The following PCDHA6 variants were observed in gnomAD, a reference collection of about 807,000 sequenced individuals.
The protein encoded by PCDHA6 is protocadherin alpha-6.
PCDHA6 carries 55 observed loss-of-function variants against 60.3 expected under a neutral mutation model. The ratio of observed to expected loss-of-function variants is 0.91; its 90% CI spans 0.73 to 1.14. PCDHA6 has a LOEUF of 1.14. PCDHA6 is among the 50% of genes most tolerant of loss of function. The pLI is 0.00. For missense variants in PCDHA6, 1,327 were observed against 1,256.5 expected (o/e 1.06, Z -0.85); for synonymous variants, 652 against 557.9 (o/e 1.17, Z -2.38).
chr5:140,871,032 C>G (rs1554165004), intron 1 of PCDHA6: 1 of 1,613,304 alleles, frequency 6.2e-7, no homozygotes. Flanking sequence ...ACTCGCCGCG[C>G]CACCGACTTC....
At chr5:140,995,687 G>C (rs983290111) in intron 3 of PCDHA6, among the ~76,000 whole-genome samples, 3 of 152,062 alleles carry the variant, frequency 2.0e-5, no homozygotes, top group Admixed American at 6.5e-5. Context: ...TTTTTTAATT[G>C]TTAAATAAAG....
chr5:140,981,489 G>A (rs1554242906), intron 2 of PCDHA6, among the ~76,000 whole-genome samples: 1 of 152,194 alleles, frequency 6.6e-6, no homozygotes, highest in Non-Finnish European at 1.5e-5. Flanking sequence ...CAGGAGAATT[G>A]CTTGAACCTG....
intron 1 of PCDHA6, chr5:140,851,808 A>G (rs1231685115): frequency 1.1e-6 from 1 of 948,168 alleles, no homozygotes; most frequent in Non-Finnish European, 1.3e-6. Context: ...TCAGTAATCC[A>G]TAAGACAGAA....
At chr5:140,968,624 C>CT in intron 1 of PCDHA6, 3 of 1,614,176 alleles carry the variant, frequency 1.9e-6, no homozygotes, top group East Asian at 2.2e-5. Context: ...AAATGCTTGG[C>CT]TTTTTTACCA....
chr5:140,850,081 A>G, intron 1 of PCDHA6: 1 of 1,596,386 alleles, frequency 6.3e-7, no homozygotes, highest in South Asian at 1.1e-5. Context: ...GAGGAGCTGG[A>G]GCTGCTACAG....
intron 1 of PCDHA6, chr5:140,841,864 T>C (rs1554138599): frequency 3.1e-6 from 5 of 1,613,852 alleles, no homozygotes; most frequent in Non-Finnish European, 4.2e-6. Flanking sequence ...TCATGCTAGA[T>C]GTGAATTCAA....
chr5:141,000,618 G>A (rs1354281260), intron 3 of PCDHA6, among the ~76,000 whole-genome samples: 1 of 150,858 alleles, frequency 6.6e-6, no homozygotes, highest in Non-Finnish European at 1.5e-5. Flanking sequence ...AGTAGAGACA[G>A]GGTTTCACCA....
rs1203215461 is a variant in PCDHA6 at position 140,841,541 on chromosome 5, C to A, written c.2394+11056C>A. The stretch of plus-strand genomic sequence containing the variant: ...GGTGGCGTCCAAAAGACACCGGGAC[C>A]TTCTGGAGGTAAGTCTGCAGAATGG... On this transcript the variant is annotated intron_variant, in intron 1 of 3. Transcript: ENST00000529310. 1 of 1,613,604 alleles carries A rather than the reference C, an allele frequency of 6.2e-7. No individual in the cohort carries two copies. The highest frequency in any genetic ancestry group is 8.5e-7 in the Non-Finnish European group (1 of 1,180,002).
At chr5:140,967,649 T>C in intron 1 of PCDHA6, 1 of 1,614,132 alleles carries the variant, frequency 6.2e-7, no homozygotes. Context: ...GCTCAGGTAC[T>C]CCTTGAGCAG....
chr5:140,879,227 T>C (rs1474080938), intron 1 of PCDHA6, among the ~76,000 whole-genome samples: 5 of 152,126 alleles, frequency 3.3e-5, no homozygotes, highest in Admixed American at 6.5e-5. Flanking sequence ...GAAAAAGACA[T>C]ATACAAGAGG....
chr5:140,839,671 C>G (rs1194956449), intron 1 of PCDHA6, among the ~76,000 whole-genome samples: 1 of 152,028 alleles, frequency 6.6e-6, no homozygotes, highest in African/African-American at 2.4e-5. Context: ...TATTTAGAGT[C>G]AACTACAGAG....
chr5:140,842,051 C>A, intron 1 of PCDHA6: 1 of 1,613,852 alleles, frequency 6.2e-7, no homozygotes, highest in Non-Finnish European at 8.5e-7. Context: ...CACTTTCGAA[C>A]AGTCTGAATA....
chr5:140,898,764 T>A (rs2066960471), intron 1 of PCDHA6, among the ~76,000 whole-genome samples: 1 of 152,192 alleles, frequency 6.6e-6, no homozygotes, highest in Non-Finnish European at 1.5e-5. Context: ...GCATTGAATC[T>A]GTAAATTACC....
chr5:140,858,790 A>G, intron 1 of PCDHA6: 1 of 388,116 alleles, frequency 2.6e-6, no homozygotes, highest in Non-Finnish European at 4.7e-6. Context: ...ATGTTATTTC[A>G]TTTCCAATCT....
chr5:140,869,555 G>A, intron 1 of PCDHA6: 1 of 1,614,172 alleles, frequency 6.2e-7, no homozygotes, highest in Non-Finnish European at 8.5e-7. Flanking sequence ...TCGGACTCGC[G>A]TTTTCCACTA....
intron 1 of PCDHA6, among the ~76,000 whole-genome samples, chr5:140,925,132 T>G (rs2082347636): frequency 6.6e-6 from 1 of 151,168 alleles, no homozygotes; most frequent in Non-Finnish European, 1.5e-5. Context: ...GAAAAAAAAT[T>G]TCAAACATAC....
chr5:141,000,399 A>C (rs77386673), intron 3 of PCDHA6, among the ~76,000 whole-genome samples: 2,158 of 66,344 alleles, frequency 0.033, 38 homozygotes, highest in Non-Finnish European at 0.044. Context: ...CTCTCTCTAT[A>C]TATATATATA....
Position 140,876,962 on chromosome 5 carries a change from G to T in PCDHA6, c.2394+46477G>T, listed in dbSNP as rs375871457. 15 of 1,612,908 alleles carry T rather than the reference G, an allele frequency of 9.3e-6. No homozygotes were observed. The African/African-American group carries it at 1.6e-4, about 17-fold the overall frequency. ...CTGGTGTCCTACTCGCTGGTGGAGCGGCGGGTGGGCGAGCACGCACTGTCG... is the reference window on the plus strand; with the variant it reads ...CTGGTGTCCTACTCGCTGGTGGAGCTGCGGGTGGGCGAGCACGCACTGTCG... On this transcript the variant is annotated intron_variant, in intron 1 of 3. Coordinates refer to ENST00000529310, the MANE Select transcript of PCDHA6 (RefSeq NM_018909.4).
chr5:140,855,827 A>G lies in PCDHA6; in HGVS notation c.2394+25342A>G. 2 of 557,722 alleles carry G rather than the reference A, an allele frequency of 3.6e-6. 1 individual carries two copies. Among genetic ancestry groups the G allele is most frequent in the South Asian group, 5.7e-5 (2 of 35,188 alleles). 34.5% of individuals were successfully genotyped at this position (557,722 alleles called of 1,614,324 possible). A position where few individuals can be genotyped will look rare whatever the true frequency, so the allele number is the denominator to read the frequency against. The stretch of plus-strand genomic sequence containing the variant: ...GAAAGAAAAGTTGTGAACTCATGGA[A>G]TCGTACTTACACCTAAAGCCACCGG... On this transcript the variant is annotated intron_variant, in intron 1 of 3. Coordinates refer to ENST00000529310, the MANE Select transcript of PCDHA6 (RefSeq NM_018909.4).
Sources: gnomAD v4.1 joint callset for allele counts (sites outside exome capture counted in the v4.1 genomes callset) on GRCh38, gnomAD v4.1.1 for gene constraint, MANE v1.5 for transcripts, NCBI Gene and HGNC (gene_info 2026-07-23, HGNC 2026-07-21) for gene names.